Variants in PPP1R12B observed in about 807,000 individuals in gnomAD.
The protein encoded by PPP1R12B is protein phosphatase 1 regulatory subunit 12B, also known as myosin phosphatase target subunit 2.
PPP1R12B carries 76 observed loss-of-function variants against 126.1 expected under a neutral mutation model. The observed-to-expected ratio is 0.60, with a 90% CI of 0.50 to 0.73. PPP1R12B has a LOEUF of 0.73. PPP1R12B is among the 30% of genes least tolerant of loss of function. The probability of loss-of-function intolerance (pLI) is 0.00; values close to 1 mark genes in which losing one functional copy is unlikely to be tolerated. For synonymous variants in PPP1R12B, 356 were observed against 434.7 expected (o/e 0.82, Z 2.25); for missense variants, 1,052 against 1,205.1 (o/e 0.87, Z 1.88).
chr1:202,567,826 A>G lies in PPP1R12B; in HGVS notation c.2806A>G (p.Lys936Glu), dbSNP rs1688200698. The change falls in exon 22 of 24, where the codon AAA becomes GAA. Residue 936 changes from lysine (K) to glutamate (E), a missense_variant. Transcript: ENST00000608999. ...SDRSSVLEMEKRERRALERKM... is the reference protein window; with the variant it reads ...SDRSSVLEMEERERRALERKM... The stretch of plus-strand genomic sequence containing the variant: ...CCGATCATCAGTGCTGGAGATGGAG[A>G]AACGGGTATGCGCATGTCTGTTTCC... 6.2e-6 allele frequency: 10 copies of G among 1,613,882 alleles called. No individual in the cohort carries two copies. The highest frequency in any genetic ancestry group is 1.3e-5 in the African/African-American group (1 of 74,908).
intron 16 of PPP1R12B, 32 bp downstream of exon 16, chr1:202,495,514 C>G (rs765496129): frequency 2.5e-6 from 4 of 1,609,114 alleles, no homozygotes; most frequent in Non-Finnish European, 3.4e-6. Context: ...ACAGGCCCCT[C>G]CACAGTGCAC....
At chr1:202,436,388 C>A (rs1353599015) in intron 9 of PPP1R12B, among the ~76,000 whole-genome samples, 2 of 152,280 alleles carry the variant, frequency 1.3e-5, no homozygotes, top group East Asian at 3.9e-4. Context: ...ATTATTGAAC[C>A]CCTAAAGCTG....
At chr1:202,386,219 C>T (rs1187273415) in intron 1 of PPP1R12B, among the ~76,000 whole-genome samples, 1 of 152,114 alleles carries the variant, frequency 6.6e-6, no homozygotes, top group African/African-American at 2.4e-5. Context: ...TGAGCCACCG[C>T]ACCCAGCCAC....
chr1:202,440,932 C>T, intron 11 of PPP1R12B, 144 bp downstream of exon 11: 2 of 627,496 alleles, frequency 3.2e-6, no homozygotes. Context: ...CTTAGAACAC[C>T]TCTCAACTCT....
At chr1:202,470,622 A>T (rs1168419301) in intron 13 of PPP1R12B, among the ~76,000 whole-genome samples, 1 of 152,200 alleles carries the variant, frequency 6.6e-6, no homozygotes, top group Admixed American at 6.5e-5. Context: ...GGCCAGGTGC[A>T]GTGGCTTATG....
intron 18 of PPP1R12B, among the ~76,000 whole-genome samples, chr1:202,548,370 G>T (rs1253935593): frequency 6.6e-6 from 1 of 151,634 alleles, no homozygotes; most frequent in African/African-American, 2.4e-5. Context: ...GTTTTGTTTT[G>T]TTTTTTTTGA....
intron 1 of PPP1R12B, among the ~76,000 whole-genome samples, chr1:202,361,142 C>T (rs1658128525): frequency 6.6e-6 from 1 of 152,170 alleles, no homozygotes; most frequent in Non-Finnish European, 1.5e-5. Context: ...ATCCGCCCGC[C>T]TCGGCCTCCC....
chr1:202,490,818 A>G (rs1678765343), intron 14 of PPP1R12B, among the ~76,000 whole-genome samples: 1 of 152,196 alleles, frequency 6.6e-6, no homozygotes, highest in Non-Finnish European at 1.5e-5. Flanking sequence ...TAAAGGATGA[A>G]TATTTCAGCC....
At chr1:202,475,785 C>A (rs1317085415) in intron 13 of PPP1R12B, among the ~76,000 whole-genome samples, 2 of 152,028 alleles carry the variant, frequency 1.3e-5, no homozygotes, top group East Asian at 1.9e-4. Flanking sequence ...CCCGTGATCC[C>A]CCTAAGTCTG....
At chr1:202,432,788 G>A (rs569968125) in intron 8 of PPP1R12B, among the ~76,000 whole-genome samples, 91 of 152,298 alleles carry the variant, frequency 6.0e-4, no homozygotes, top group African/African-American at 2.0e-3. Flanking sequence ...CTGCTAGAGG[G>A]GAAAGGGTCA....
At chr1:202,413,977 A>G (rs1480103953) in intron 1 of PPP1R12B, among the ~76,000 whole-genome samples, 2 of 152,050 alleles carry the variant, frequency 1.3e-5, no homozygotes, top group Non-Finnish European at 2.9e-5. Flanking sequence ...GCTGGAGTGC[A>G]GTGGTGCCAT....
At chr1:202,465,996 A>C (rs186597201) in intron 13 of PPP1R12B, among the ~76,000 whole-genome samples, 15 of 152,328 alleles carry the variant, frequency 9.8e-5, no homozygotes, top group Admixed American at 1.3e-4. Flanking sequence ...TGGGAAGCAA[A>C]ACTGCAAGTT....
chr1:202,526,359 A>C (rs1455973634), intron 18 of PPP1R12B, among the ~76,000 whole-genome samples: 1 of 152,228 alleles, frequency 6.6e-6, no homozygotes, highest in Non-Finnish European at 1.5e-5. Flanking sequence ...GTATTTATCT[A>C]GGAAAGTAAA....
chr1:202,583,888 T>A lies in PPP1R12B; in HGVS notation c.*3328T>A, dbSNP rs932875211. ...AAATATCAGAATGGGAAAGAGAATG[T>A]TCCTGGTAAAACTCTGTTTTCATTA... On this transcript the variant is annotated 3_prime_UTR_variant, in exon 24 of 24. Coordinates refer to ENST00000608999, the MANE Select transcript of PPP1R12B (RefSeq NM_002481.4). 2 of 152,190 alleles carry A rather than the reference T, an allele frequency of 1.3e-5. No homozygotes were observed. Among genetic ancestry groups the A allele is most frequent in the Non-Finnish European group, 2.9e-5 (2 of 68,032 alleles). The allele number at this position is 152,190 out of a possible 1,614,324, so 9.4% of individuals were successfully genotyped here.
Position 202,588,003 on chromosome 1 carries a change from A to T in PPP1R12B, c.*7443A>T, listed in dbSNP as rs1689927360. The stretch of plus-strand genomic sequence containing the variant: ...TACCACTGGCTGGCACACCAGGGCA[A>T]TGATTTCCCTGCAGAAGGAAGGAAA... On this transcript the variant is annotated 3_prime_UTR_variant, in exon 24 of 24. Coordinates refer to ENST00000608999, the MANE Select transcript of PPP1R12B (RefSeq NM_002481.4). The T allele has an allele frequency of 6.6e-6, 1 of 152,164 alleles. No homozygotes were observed. Among genetic ancestry groups the T allele is most frequent in the South Asian group, 2.1e-4 (1 of 4,820 alleles). The allele number at this position is 152,164 out of a possible 1,614,324, so 9.4% of individuals were successfully genotyped here. A position where few individuals can be genotyped will look rare whatever the true frequency, so the allele number is the denominator to read the frequency against.
chr1:202,495,560 C>T lies in PPP1R12B; in HGVS notation c.2336-10C>T, dbSNP rs1679449755. ...TCTTAAAGTTCATACTTTATTTTAT[C>T]TCTGGCCAGAGAATGAAGAAGCAGA... is the stretch of plus-strand genomic sequence containing the variant. On this transcript the variant is annotated splice_polypyrimidine_tract_variant and intron_variant, in intron 16 of 23. Coordinates refer to ENST00000608999, the MANE Select transcript of PPP1R12B (RefSeq NM_002481.4). 6.2e-7 allele frequency: 1 copy of T among 1,613,538 alleles called. No homozygotes were observed. The highest frequency in any genetic ancestry group is 8.5e-7 in the Non-Finnish European group (1 of 1,179,644).
At chr1:202,509,025 T>C (rs952326147) in intron 18 of PPP1R12B, among the ~76,000 whole-genome samples, 8 of 152,276 alleles carry the variant, frequency 5.3e-5, no homozygotes, top group Non-Finnish European at 1.2e-4. Context: ...TATGTTCCAA[T>C]AAAACTTTAT....
At chr1:202,386,720 A>T (rs542871655) in intron 1 of PPP1R12B, among the ~76,000 whole-genome samples, 4 of 151,352 alleles carry the variant, frequency 2.6e-5, no homozygotes, top group Non-Finnish European at 5.9e-5. Flanking sequence ...ATTGTATTTA[A>T]CACTTTGACA....
chr1:202,449,042 T>C lies in PPP1R12B; in HGVS notation c.1721T>C (p.Val574Ala). 6.2e-7 allele frequency: 1 copy of C among 1,613,838 alleles called. No homozygotes were observed. Among genetic ancestry groups the C allele is most frequent in the Admixed American group, 1.7e-5 (1 of 60,016 alleles). ...ACAGCAGAGAAAACAGCAGACAATG[T>C]CTCTTCTAGCACCCCGCTCTGTGTG... ...DTTAEKTADN[V>A]SSSTPLCVIT... Residue 574 changes from valine to alanine, a missense_variant, in exon 13 of 24, where the codon GTC becomes GCC. Physicochemically the swap from Val to Ala is moderately conservative, Grantham distance 64 (BLOSUM62 0). Coordinates refer to ENST00000608999, the MANE Select transcript of PPP1R12B (RefSeq NM_002481.4).
Sources: allele counts gnomAD v4.1 joint callset (sites outside exome capture counted in the v4.1 genomes callset), GRCh38; gene constraint gnomAD v4.1.1; transcripts MANE v1.5; gene names NCBI Gene and HGNC (gene_info 2026-07-23, HGNC 2026-07-21).